The following COPB2 variants were observed in gnomAD, a reference collection of about 807,000 sequenced individuals.
The protein encoded by COPB2 is coatomer subunit beta'.
In COPB2, 16 loss-of-function variants were observed where a neutral mutation model predicts 120.8. That is an observed-to-expected ratio of 0.13 (90% CI 0.09 to 0.20). COPB2 has a LOEUF of 0.20. COPB2 is among the 10% of genes least tolerant of loss of function. COPB2 has a pLI of 1.00. For synonymous variants in COPB2, 332 were observed against 366.3 expected, an observed-to-expected ratio of 0.91 and a Z score of 1.07; for missense variants, 794 against 1,076.5, an observed-to-expected ratio of 0.74 and a Z score of 3.67.
At chr3:139,370,711 C>T (rs530200539) in intron 10 of COPB2, among the ~76,000 whole-genome samples, 8 of 152,256 alleles carry the variant, frequency 5.3e-5, no homozygotes, top group Admixed American at 3.3e-4. Context: ...GTGATGAGGG[C>T]TTTGCTCAGG....
At position 139,378,143 on chromosome 3, in the gene COPB2, G is replaced by T; in HGVS notation, c.402C>A (p.Cys134Ter). The change falls in exon 5 of 22, where the codon TGC becomes TGA. Residue 134 changes from cysteine to a stop codon, truncating the protein, a stop_gained. Coordinates refer to ENST00000333188, the MANE Select transcript of COPB2 (RefSeq NM_004766.3). LOFTEE classifies it high-confidence loss of function. ...KLWDWDKKWS[C>*]SQVFEGHTHY... ...GGGTGTGTCCTTCAAACACTTGTGA[G>T]CAAGACCATTTTTTATCCCAGTCCC... 6.3e-7 allele frequency: 1 copy of T among 1,584,682 alleles called. No homozygotes were observed. Among genetic ancestry groups the T allele is most frequent in the Non-Finnish European group, 8.6e-7 (1 of 1,158,476 alleles).
In COPB2 at chr3:139,358,754, G is replaced by A. The variant is rs138135248; in HGVS notation, c.2543C>T (p.Thr848Ile). 2.3e-4 allele frequency: 370 copies of A among 1,610,652 alleles called. 1 individual carries two copies. The Middle Eastern group carries it at 7.4e-3, about 32-fold the overall frequency. ...AAGTGCTCTACTGACCTGTTGAGCT[G>A]TAGATCTTGAGGGCTGAAAGTCTTT... ...EGKDFQPSRSTAQQELDGKPA... is the reference protein window; with the variant it reads ...EGKDFQPSRSIAQQELDGKPA... Residue 848 changes from threonine to isoleucine, a missense_variant, in exon 20 of 22, where the codon ACA (threonine) becomes ATA (isoleucine). Thr to Ile is a moderately conservative substitution (Grantham distance 89, BLOSUM62 -1). Around this residue, in one of 3 missense-constraint regions of COPB2, gnomAD observed 178 missense variants for 183.2 expected, o/e 0.97. Coordinates refer to ENST00000333188, the MANE Select transcript of COPB2 (RefSeq NM_004766.3).
intron 15 of COPB2, among the ~76,000 whole-genome samples, chr3:139,365,080 AAGAC>A (rs1941490334): frequency 6.6e-6 from 1 of 152,202 alleles, no homozygotes; most frequent in African/African-American, 2.4e-5. Context: ...CAATTCCAGA[AAGAC>A]AGAATACAGA....
In COPB2 at chr3:139,378,271, A is replaced by AT. The variant is rs1227550962; in HGVS notation, c.356-83_356-82insA. ...AAGACACAGTCTTTAGAAGAAGCAA[A>AT]CCTAACACAAACCATATAATCCATG... On this transcript the variant is annotated intron_variant, in intron 4 of 21. Transcript: ENST00000333188. 2.0e-5 allele frequency: 26 copies of AT among 1,300,400 alleles called. No individual in the cohort carries two copies. The Admixed American group carries it at 5.6e-4, about 28-fold the overall frequency. 80.6% of individuals were successfully genotyped at this position (1,300,400 alleles called of 1,614,324 possible).
At chr3:139,372,998 T>C (rs113059635) in intron 9 of COPB2, among the ~76,000 whole-genome samples, 2 of 152,338 alleles carry the variant, frequency 1.3e-5, no homozygotes, top group East Asian at 1.9e-4. Flanking sequence ...TTGTGTGGTA[T>C]AGAACAAGTC....
chr3:139,366,168 C>G (rs796148098), intron 15 of COPB2, among the ~76,000 whole-genome samples: 8 of 152,264 alleles, frequency 5.3e-5, no homozygotes, highest in African/African-American at 1.9e-4. Flanking sequence ...TTACTTTATG[C>G]TTTGCACATA....
chr3:139,384,228 C>A (rs1941870321), intron 1 of COPB2, among the ~76,000 whole-genome samples: 1 of 152,158 alleles, frequency 6.6e-6, no homozygotes, highest in African/African-American at 2.4e-5. Flanking sequence ...TTCTCTCATG[C>A]ATGTTTTTCT....
Position 139,359,157 on chromosome 3 carries a change from C to T in COPB2, c.2325G>A (p.Glu775=). ...CTTTCTGATTGACTTTTGAGAGATT[C>T]TCTCTCCAGAGTTTCACTACCCTAT... The part of the protein sequence containing the change: ...QVSRVVKLWR[E]NLSKVNQKAA... The change falls in exon 19 of 22, where the codon GAG becomes GAA. Residue 775 remains glutamate, a synonymous_variant. Coordinates refer to ENST00000333188, the MANE Select transcript of COPB2 (RefSeq NM_004766.3). 6.2e-7 allele frequency: 1 copy of T among 1,613,612 alleles called. No individual in the cohort carries two copies.
chr3:139,358,295 T>C (rs529192586), intron 20 of COPB2, 24 bp from the exon 21 acceptor site: 10 of 1,595,212 alleles, frequency 6.3e-6, no homozygotes, highest in African/African-American at 1.3e-5. Context: ...TGAAGATATA[T>C]ATGAAGACAA....
intron 17 of COPB2, 131 bp downstream of exon 17, chr3:139,360,950 C>T: frequency 1.1e-6 from 1 of 942,820 alleles, no homozygotes; most frequent in Non-Finnish European, 1.6e-6. Context: ...CAGCACTGTC[C>T]TGTTCTGACT....
At chr3:139,389,406 A>C in intron 1 of COPB2, 142 bp downstream of exon 1, 1 of 882,702 alleles carries the variant, frequency 1.1e-6, no homozygotes, top group Non-Finnish European at 1.5e-6. Flanking sequence ...CCTGGAATCA[A>C]ACGACCAAGA....
At chr3:139,372,886 A>G (rs1233915118) in intron 9 of COPB2, among the ~76,000 whole-genome samples, 5 of 152,246 alleles carry the variant, frequency 3.3e-5, no homozygotes, top group African/African-American at 7.2e-5. Context: ...GGCACCTACT[A>G]AGTCTCAGCA....
chr3:139,372,960 C>A (rs1445685237), intron 9 of COPB2, among the ~76,000 whole-genome samples: 1 of 152,188 alleles, frequency 6.6e-6, no homozygotes, highest in Non-Finnish European at 1.5e-5. Flanking sequence ...TGCGAAATAA[C>A]AGGAAACTAC....
intron 15 of COPB2, among the ~76,000 whole-genome samples, chr3:139,363,502 G>A (rs1266406533): frequency 6.6e-5 from 10 of 152,170 alleles, no homozygotes; most frequent in Admixed American, 2.0e-4. Flanking sequence ...TATCTGCCAC[G>A]AAACTGGTCC....
intron 1 of COPB2, among the ~76,000 whole-genome samples, chr3:139,387,106 C>T (rs1161897721): frequency 6.6e-6 from 1 of 151,356 alleles, no homozygotes; most frequent in East Asian, 1.9e-4. Flanking sequence ...AGCTACTCGG[C>T]AGGCTGAGGC....
chr3:139,379,122 T>C lies in COPB2; in HGVS notation c.280A>G (p.Met94Val), dbSNP rs1409633207. ...ATGTAGTCTGAGTGTGCTTCAAACATATGAACTCTCTCCAGAGTATTGTAA... is the reference window on the plus strand; with the variant it reads ...ATGTAGTCTGAGTGTGCTTCAAACACATGAACTCTCTCCAGAGTATTGTAA... ...FNYNTLERVH[M>V]FEAHSDYIRC... The change falls in exon 4 of 22, where the codon ATG (methionine) becomes GTG (valine). Residue 94 changes from methionine to valine, a missense_variant. Coordinates refer to ENST00000333188, the MANE Select transcript of COPB2 (RefSeq NM_004766.3). 3 of 1,612,474 alleles carry C rather than the reference T, an allele frequency of 1.9e-6. No homozygotes were observed. Among genetic ancestry groups the C allele is most frequent in the South Asian group, 2.2e-5 (2 of 90,616 alleles).
At position 139,358,827 on chromosome 3, in the gene COPB2, A is replaced by G. The variant is rs1941349830; in HGVS notation, c.2485-15T>C. 6.2e-7 allele frequency: 1 copy of G among 1,603,990 alleles called. No individual in the cohort carries two copies. Among genetic ancestry groups the G allele is most frequent in the East Asian group, 2.2e-5 (1 of 44,834 alleles). ...TCTTCATTTGGCTATCAGAGAATAA[A>G]GCAATGATGAAATGAGATATTCTGA... is the stretch of plus-strand genomic sequence containing the variant. On this transcript the variant is annotated splice_polypyrimidine_tract_variant and intron_variant, in intron 19 of 21. Coordinates refer to ENST00000333188, the MANE Select transcript of COPB2 (RefSeq NM_004766.3).
At chr3:139,389,485 G>C (rs1942009858) in intron 1 of COPB2, 63 bp downstream of exon 1, 2 of 1,504,282 alleles carry the variant, frequency 1.3e-6, no homozygotes, top group Non-Finnish European at 1.8e-6. Context: ...CCTCAGTCCA[G>C]AAGCTCCAGG....
chr3:139,366,957 C>A, intron 14 of COPB2, 58 bp downstream of exon 14: 1 of 1,572,616 alleles, frequency 6.4e-7, no homozygotes, highest in South Asian at 1.2e-5. Flanking sequence ...AAGCCAGCAA[C>A]AGATTTTTCT....
Sources: allele counts gnomAD v4.1 joint callset (sites outside exome capture counted in the v4.1 genomes callset), GRCh38; gene constraint gnomAD v4.1.1; regional missense constraint gnomAD v4.1.1; transcripts MANE v1.5; gene names NCBI Gene and HGNC (gene_info 2026-07-23, HGNC 2026-07-21).